Variants in BCHE observed in about 807,000 individuals in gnomAD.
BCHE encodes butyrylcholinesterase, also known as cholinesterase.
A neutral mutation model predicts 51.3 loss-of-function variants in BCHE; 48 were observed. That is an observed-to-expected ratio of 0.94 (90% CI 0.74 to 1.19). The LOEUF (loss-of-function observed/expected upper bound fraction) is 1.19. Ranked by LOEUF, BCHE falls within the 50% of genes most tolerant of loss-of-function variation. The probability of loss-of-function intolerance (pLI) is 0.00; values close to 1 mark genes in which losing one functional copy is unlikely to be tolerated. For synonymous variants in BCHE, 251 were observed against 238.0 expected (o/e 1.05, Z -0.50); for missense variants, 847 against 708.2 (o/e 1.20, Z -2.23).
chr3:165,829,957 G>A lies in BCHE; in HGVS notation c.1077C>T (p.Val359=), dbSNP rs143300460. ...VNKDEGTAFL[V]YGAPGFSKDN... ...CTTTGCTGAAGCCAGGAGCACCATA[G>A]ACTAAAAAAGCTGTCCCTTCATCTT... Residue 359 remains valine, a synonymous_variant, in exon 2 of 4, where the codon GTC becomes GTT. Transcript: ENST00000264381. 2,255 of 1,613,622 alleles carry A rather than the reference G, an allele frequency of 1.4e-3. 16 individuals carry two copies. The highest frequency in any genetic ancestry group is 8.7e-3 in the Middle Eastern group (53 of 6,060).
At chr3:165,813,318 CAT>C (rs1210940747) in intron 2 of BCHE, among the ~76,000 whole-genome samples, 1 of 151,416 alleles carries the variant, frequency 6.6e-6, no homozygotes, top group Non-Finnish European at 1.5e-5. Context: ...TTATAATAAT[CAT>C]ATATTTTATA....
At chr3:165,832,112 GT>G (rs1715012714) in intron 1 of BCHE, among the ~76,000 whole-genome samples, 2 of 152,092 alleles carry the variant, frequency 1.3e-5, no homozygotes, top group South Asian at 4.1e-4. Flanking sequence ...AAAATCATAA[GT>G]ATTTGACATT....
At chr3:165,825,536 A>G (rs995970591) in intron 2 of BCHE, among the ~76,000 whole-genome samples, 1 of 152,178 alleles carries the variant, frequency 6.6e-6, no homozygotes, top group African/African-American at 2.4e-5. Context: ...AATATTGAAA[A>G]TACATAGGAT....
At chr3:165,816,163 G>A (rs11716439) in intron 2 of BCHE, among the ~76,000 whole-genome samples, 143,669 of 151,702 alleles carry the variant, frequency 0.95, 68,095 homozygotes, top group Non-Finnish European at 0.97. Context: ...GATGTTGTCT[G>A]TTTTTCTCTT....
chr3:165,827,270 A>G (rs1264101147), intron 2 of BCHE, among the ~76,000 whole-genome samples: 1 of 152,070 alleles, frequency 6.6e-6, no homozygotes, highest in Non-Finnish European at 1.5e-5. Flanking sequence ...AACTGTGCAA[A>G]TATCGTCTGC....
chr3:165,819,544 A>G (rs2108227523), intron 2 of BCHE, among the ~76,000 whole-genome samples: 1 of 152,276 alleles, frequency 6.6e-6, no homozygotes. Context: ...AGTAAGTGAC[A>G]CTACTTTTTA....
At chr3:165,804,539 G>A (rs1378419794) in intron 2 of BCHE, among the ~76,000 whole-genome samples, 4 of 152,132 alleles carry the variant, frequency 2.6e-5, no homozygotes, top group East Asian at 1.9e-4. Context: ...GGGCATAATC[G>A]ACATTGCAAC....
chr3:165,790,336 C>T (rs140815505), intron 2 of BCHE, among the ~76,000 whole-genome samples: 6 of 152,114 alleles, frequency 3.9e-5, no homozygotes, highest in East Asian at 3.9e-4. Flanking sequence ...ATAAGTACAC[C>T]GGCACAATAG....
chr3:165,775,465 C>A (rs898400427), intron 3 of BCHE, among the ~76,000 whole-genome samples: 2 of 151,476 alleles, frequency 1.3e-5, no homozygotes, highest in African/African-American at 4.8e-5. Context: ...TTTTTATGGT[C>A]TTTTAAAAAA....
At chr3:165,837,044 C>G (rs995334343) in intron 1 of BCHE, among the ~76,000 whole-genome samples, 3 of 152,122 alleles carry the variant, frequency 2.0e-5, no homozygotes, top group Non-Finnish European at 4.4e-5. Context: ...TGATTCCACA[C>G]GTGCTATGGT....
intron 1 of BCHE, among the ~76,000 whole-genome samples, chr3:165,834,077 T>G (rs1400558840): frequency 1.3e-5 from 2 of 152,098 alleles, no homozygotes; most frequent in African/African-American, 4.8e-5. Flanking sequence ...TACAAACAGT[T>G]TATATTATTG....
intron 2 of BCHE, among the ~76,000 whole-genome samples, chr3:165,793,833 A>T (rs1008686256): frequency 6.6e-6 from 1 of 152,038 alleles, no homozygotes; most frequent in Non-Finnish European, 1.5e-5. Context: ...ATCACCTGGG[A>T]TAAGGAGTTT....
intron 1 of BCHE, among the ~76,000 whole-genome samples, chr3:165,835,161 A>G (rs1576674170): frequency 6.7e-6 from 1 of 148,646 alleles, no homozygotes; most frequent in South Asian, 2.1e-4. Flanking sequence ...CTAAACTGTT[A>G]TAACAATAAC....
intron 3 of BCHE, among the ~76,000 whole-genome samples, chr3:165,773,970 G>T (rs545295204): frequency 6.6e-6 from 1 of 152,056 alleles, no homozygotes; most frequent in Admixed American, 6.5e-5. Flanking sequence ...GTGGGGAGTT[G>T]GTTCTAGGAC....
At chr3:165,780,674 T>C (rs567331485) in intron 3 of BCHE, among the ~76,000 whole-genome samples, 1 of 152,246 alleles carries the variant, frequency 6.6e-6, no homozygotes, top group African/African-American at 2.4e-5. Flanking sequence ...TCAACATCAC[T>C]GATCATTGGA....
At chr3:165,797,221 CCTCCTTCTTTCT>C (rs1713428374) in intron 2 of BCHE, among the ~76,000 whole-genome samples, 2 of 2,668 alleles carry the variant, frequency 7.5e-4, no homozygotes, top group East Asian at 6.4e-3. Context: ...TCCCTCCTTC[CCTCCTTCTTTCT>C]TCCCTCCCTT....
At chr3:165,821,169 T>C (rs1576666530) in intron 2 of BCHE, among the ~76,000 whole-genome samples, 2 of 151,964 alleles carry the variant, frequency 1.3e-5, no homozygotes, top group East Asian at 3.8e-4. Context: ...TATTTTGATA[T>C]ATTGAAGAGA....
chr3:165,789,715 T>C (rs749303416), intron 2 of BCHE, among the ~76,000 whole-genome samples: 56 of 152,156 alleles, frequency 3.7e-4, no homozygotes, highest in Non-Finnish European at 1.0e-4. Context: ...GAATAAATTT[T>C]AAAATGTTAA....
At chr3:165,811,257 A>G (rs79550729) in intron 2 of BCHE, among the ~76,000 whole-genome samples, 287 of 152,194 alleles carry the variant, frequency 1.9e-3, no homozygotes, top group African/African-American at 6.7e-3. Context: ...CTTGACAGAA[A>G]GGTTAAATTT....
Sources: gnomAD v4.1 joint callset for allele counts (sites outside exome capture counted in the v4.1 genomes callset) on GRCh38, gnomAD v4.1.1 for gene constraint, MANE v1.5 for transcripts, NCBI Gene and HGNC (gene_info 2026-07-23, HGNC 2026-07-21) for gene names.